Variants in EPB41 observed in about 807,000 individuals in gnomAD.
EPB41 encodes the protein protein 4.1.
A neutral mutation model predicts 108.0 loss-of-function variants in EPB41; 65 were observed. The ratio of observed to expected loss-of-function variants is 0.60; its 90% CI spans 0.49 to 0.74. EPB41 has a LOEUF of 0.74. EPB41 is among the 30% of genes least tolerant of loss of function. The pLI is 0.00. For synonymous variants in EPB41, 336 were observed against 358.9 expected (o/e 0.94, Z 0.72); for missense variants, 875 against 1,037.0 (o/e 0.84, Z 2.15).
rs1168727244 is a variant in EPB41 at position 29,115,856 on chromosome 1, G to A, written c.*6+53G>A. On this transcript the variant is annotated intron_variant, in intron 20 of 20. Transcript: ENST00000343067. The surrounding 1 kb of genome is among the most constrained non-coding windows in gnomAD (Gnocchi z 4.4). ...GGTGCCCACAGTCCCAGCCTGAGAGGGCTCTGGATGGGACCCTCGGACACA... is the reference window on the plus strand; with the variant it reads ...GGTGCCCACAGTCCCAGCCTGAGAGAGCTCTGGATGGGACCCTCGGACACA... The A allele has an allele frequency of 2.2e-6, 3 of 1,384,408 alleles. No individual in the cohort carries two copies. Among genetic ancestry groups the A allele is most frequent in the Non-Finnish European group, 3.1e-6 (3 of 972,982 alleles). The allele number at this position is 1,384,408 out of a possible 1,614,324, so 85.8% of individuals were successfully genotyped here. A position where few individuals can be genotyped will look rare whatever the true frequency, so the allele number is the denominator to read the frequency against.
chr1:28,978,744 C>T (rs2095664882), intron 1 of EPB41, among the ~76,000 whole-genome samples: 1 of 151,418 alleles, frequency 6.6e-6, no homozygotes, highest in South Asian at 2.1e-4. Flanking sequence ...AGACACGTGT[C>T]TCTGACAGCT....
intron 16 of EPB41, among the ~76,000 whole-genome samples, chr1:29,076,553 C>A (rs1016188647): frequency 6.6e-6 from 1 of 152,122 alleles, no homozygotes; most frequent in Non-Finnish European, 1.5e-5. Context: ...GTCTGAGTAA[C>A]CTTTACATAC....
chr1:29,051,103 T>G (rs1296510998), intron 11 of EPB41, among the ~76,000 whole-genome samples: 3 of 119,742 alleles, frequency 2.5e-5, no homozygotes, highest in East Asian at 4.7e-4. Flanking sequence ...TTTTTTTTTT[T>G]TTTTTTTTTT....
intron 1 of EPB41, among the ~76,000 whole-genome samples, chr1:28,975,652 C>G: frequency 6.6e-6 from 1 of 152,012 alleles, no homozygotes; most frequent in South Asian, 2.1e-4. Context: ...TCATTCTACA[C>G]GTACACTCTG....
intron 11 of EPB41, among the ~76,000 whole-genome samples, chr1:29,039,784 A>G (rs1289050003): frequency 6.6e-6 from 1 of 152,160 alleles, no homozygotes; most frequent in Non-Finnish European, 1.5e-5. Context: ...GTTGCACTCC[A>G]GCCTGGCTGA....
At chr1:29,027,336 A>AT (rs200392956) in intron 7 of EPB41, among the ~76,000 whole-genome samples, 26,272 of 140,616 alleles carry the variant, frequency 0.19, 2,830 homozygotes, top group East Asian at 0.47. Context: ...GTCTCTCAAC[A>AT]TTTTTTTTTT....
intron 1 of EPB41, among the ~76,000 whole-genome samples, chr1:28,937,906 CACTT>C (rs1374232273): frequency 1.3e-5 from 2 of 152,166 alleles, no homozygotes; most frequent in African/African-American, 4.8e-5. Flanking sequence ...TGGATTCACT[CACTT>C]GCAGGTAGAT....
intron 16 of EPB41, chr1:29,069,546 A>G: frequency 2.4e-6 from 2 of 836,828 alleles, no homozygotes; most frequent in Non-Finnish European, 3.0e-6. Flanking sequence ...AAGATTTTTT[A>G]TTTCTGGAGC....
intron 12 of EPB41, chr1:29,054,407 T>G (rs1417799569): frequency 6.6e-6 from 1 of 152,054 alleles, no homozygotes; most frequent in Admixed American, 6.6e-5. Context: ...TAAAAAAAAT[T>G]TTTTTAACCA....
intron 12 of EPB41, among the ~76,000 whole-genome samples, chr1:29,056,161 G>A (rs1645377582): frequency 6.6e-6 from 1 of 151,072 alleles, no homozygotes. Flanking sequence ...GTGAACCCGG[G>A]AGGCGGAGCT....
chr1:28,923,895 C>T (rs191105110), intron 1 of EPB41, among the ~76,000 whole-genome samples: 13 of 152,208 alleles, frequency 8.5e-5, no homozygotes, highest in Non-Finnish European at 1.5e-5. Flanking sequence ...ATTATCCCTC[C>T]CTCCTGGTAT....
At chr1:28,922,176 G>A (rs992484208) in intron 1 of EPB41, among the ~76,000 whole-genome samples, 1 of 151,374 alleles carries the variant, frequency 6.6e-6, no homozygotes, top group Non-Finnish European at 1.5e-5. Flanking sequence ...CACCGTGTTG[G>A]TTAGACTGGT....
chr1:28,993,010 TG>T (rs1304651588), intron 2 of EPB41, among the ~76,000 whole-genome samples: 1 of 152,220 alleles, frequency 6.6e-6, no homozygotes, highest in Admixed American at 6.5e-5. Flanking sequence ...ATAACGTTTT[TG>T]TTAAACTTTA....
At chr1:28,995,854 A>G (rs546711511) in intron 3 of EPB41, among the ~76,000 whole-genome samples, 1 of 152,352 alleles carries the variant, frequency 6.6e-6, no homozygotes, top group African/African-American at 2.4e-5. Flanking sequence ...TCTGTCATTT[A>G]GAATGAAAAC....
In EPB41 at chr1:29,018,590, T is replaced by A; in HGVS notation, c.1124+148T>A. 1 of 797,600 alleles carries A rather than the reference T, an allele frequency of 1.3e-6. No homozygotes were observed. Among genetic ancestry groups the A allele is most frequent in the Non-Finnish European group, 2.1e-6 (1 of 470,356 alleles). 49.4% of individuals were successfully genotyped at this position (797,600 alleles called of 1,614,324 possible). A position where few individuals can be genotyped will look rare whatever the true frequency, so the allele number is the denominator to read the frequency against. The stretch of plus-strand genomic sequence containing the variant: ...ACTGTTTGACTTTGGGCAGGTTACT[T>A]AACCTCTCTTAATCTAAGCTTTCTC... On this transcript the variant is annotated intron_variant, in intron 7 of 20. Coordinates refer to ENST00000343067, the MANE Select transcript of EPB41 (RefSeq NM_001376013.1). The surrounding 1 kb of genome is among the most constrained non-coding windows in gnomAD (Gnocchi z 4.4).
At chr1:28,962,496 C>T (rs1056733842) in intron 1 of EPB41, among the ~76,000 whole-genome samples, 3 of 152,130 alleles carry the variant, frequency 2.0e-5, no homozygotes, top group Non-Finnish European at 4.4e-5. Flanking sequence ...AAAAGTTGTG[C>T]CACTATCACT....
chr1:28,940,343 G>A (rs530341149), intron 1 of EPB41, among the ~76,000 whole-genome samples: 1 of 152,256 alleles, frequency 6.6e-6, no homozygotes, highest in African/African-American at 2.4e-5. Context: ...TTGATATTAT[G>A]TTTGATAGGT....
chr1:29,096,040 G>A (rs1391290967), intron 16 of EPB41: 1 of 534,738 alleles, frequency 1.9e-6, no homozygotes, highest in Non-Finnish European at 2.4e-6. Context: ...AAGATTCTTA[G>A]TTTATATTAG....
intron 14 of EPB41, among the ~76,000 whole-genome samples, chr1:29,060,008 A>G (rs1027514148): frequency 2.6e-5 from 4 of 152,208 alleles, no homozygotes; most frequent in Admixed American, 2.6e-4. Context: ...CAGTGTCACT[A>G]AGTATAAAAT....
Sources: allele counts gnomAD v4.1 joint callset (sites outside exome capture counted in the v4.1 genomes callset), GRCh38; gene constraint gnomAD v4.1.1; non-coding constraint Gnocchi (gnomAD v3.1); transcripts MANE v1.5; gene names NCBI Gene and HGNC (gene_info 2026-07-23, HGNC 2026-07-21).